CCDC88C: variants seen among roughly 807,000 people sequenced by gnomAD.
CCDC88C encodes the protein protein Daple.
A neutral mutation model predicts 198.8 loss-of-function variants in CCDC88C; 131 were observed. The ratio of observed to expected loss-of-function variants is 0.66; its 90% CI spans 0.57 to 0.76. CCDC88C has a LOEUF of 0.76. Among genes scored for constraint, CCDC88C ranks in the 30% least tolerant of loss-of-function variants. The probability of loss-of-function intolerance (pLI) is 0.00; values close to 1 mark genes in which losing one functional copy is unlikely to be tolerated. For missense variants in CCDC88C, 2,553 were observed against 2,631.6 expected (o/e 0.97, Z 0.65); for synonymous variants, 1,166 against 1,114.7 (o/e 1.05, Z -0.92).
rs1884669433 is a variant in CCDC88C, at chr14:91,379,781, G to A, written c.271-20070C>T. On this transcript the variant is annotated intron_variant, in intron 3 of 29. Coordinates refer to ENST00000389857, the MANE Select transcript of CCDC88C (RefSeq NM_001080414.4). ...CCGTGCCCGGGCCTCCTGCGGGGGT[G>A]TCTTGTTCACTGTCCACTTCCACTG... 14 of 701,748 alleles carry A rather than the reference G, an allele frequency of 2.0e-5. No individual in the cohort carries two copies. The South Asian group carries it at 2.1e-4, about 10-fold the overall frequency. The allele number at this position is 701,748 out of a possible 1,614,324, so 43.5% of individuals were successfully genotyped here.
At chr14:91,337,632 C>T (rs1472794886) in intron 10 of CCDC88C, among the ~76,000 whole-genome samples, 1 of 152,260 alleles carries the variant, frequency 6.6e-6, no homozygotes, top group Non-Finnish European at 1.5e-5. Context: ...TGAGCCGCTG[C>T]ACCCGGTTGC....
chr14:91,279,464 T>G (rs2139721784), intron 27 of CCDC88C, 158 bp from the exon 28 acceptor site: 1 of 593,652 alleles, frequency 1.7e-6, no homozygotes, highest in East Asian at 2.8e-5. Flanking sequence ...TGCGCTCCAG[T>G]GAGGAAGCCT....
In CCDC88C at chr14:91,331,968, C is replaced by G. The variant is rs192469384; in HGVS notation, c.1051-5912G>C. 1.9e-3 allele frequency among the ~76,000 whole-genome samples: 280 copies of G among 151,302 alleles called. 1 individual carries two copies. Among genetic ancestry groups the G allele is most frequent in the Middle Eastern group, 0.01 (3 of 294 alleles). ...AGGTCTCTGCCCCTGGGTGTAGACT[C>G]TGCCCAGCTAGGTCTCTGCCCCTGG... On this transcript the variant is annotated intron_variant, in intron 10 of 29. Coordinates refer to ENST00000389857, the MANE Select transcript of CCDC88C (RefSeq NM_001080414.4).
Position 91,323,075 on chromosome 14 carries a change from T to C in CCDC88C, c.1342+1704A>G, listed in dbSNP as rs144319460. Among the ~76,000 whole-genome samples, 1,303 of 152,196 alleles carry C rather than the reference T, an allele frequency of 8.6e-3. 23 individuals carry two copies. The highest frequency in any genetic ancestry group is 0.029 in the African/African-American group (1,184 of 41,508). On this transcript the variant is annotated intron_variant, in intron 12 of 29. Transcript: ENST00000389857. ...TGTGCACCACCACGCCTGACTAATT[T>C]TTGTACTTTTAGTAGAGGCGGGGTT...
chr14:91,307,743 C>T (rs374198261), intron 17 of CCDC88C, among the ~76,000 whole-genome samples: 4 of 152,068 alleles, frequency 2.6e-5, no homozygotes, highest in Admixed American at 6.5e-5. Context: ...GAGCACGTGT[C>T]GGGTGTGTAC....
Position 91,310,001 on chromosome 14 carries a change from A to T in CCDC88C, c.2737-15T>A. The stretch of plus-strand genomic sequence containing the variant: ...AGCACCAGGTCCTGGAATGATGGGG[A>T]GAGAGCACTGGATAGGAGCTCAGCA... On this transcript the variant is annotated splice_polypyrimidine_tract_variant and intron_variant, in intron 15 of 29. Coordinates refer to ENST00000389857, the MANE Select transcript of CCDC88C (RefSeq NM_001080414.4). 6.3e-7 allele frequency: 1 copy of T among 1,581,282 alleles called. No individual in the cohort carries two copies. The highest frequency in any genetic ancestry group is 8.6e-7 in the Non-Finnish European group (1 of 1,163,060).
In CCDC88C at chr14:91,352,890, C is replaced by T. The variant is rs1893879703; in HGVS notation, c.340+6752G>A. Among the ~76,000 whole-genome samples, 1 of 152,160 alleles carries T rather than the reference C, an allele frequency of 6.6e-6. No individual in the cohort carries two copies. Among genetic ancestry groups the T allele is most frequent in the Non-Finnish European group, 1.5e-5 (1 of 68,032 alleles). On this transcript the variant is annotated intron_variant, in intron 4 of 29. Transcript: ENST00000389857. This position sits in a 1 kb window ranked among gnomAD's most constrained non-coding sequence, Gnocchi z 4.2. ...CCATCTCTGCAGCAGGAGGACTGTTCCTCACAAGCCGGACTCTGAGCCTGT... is the reference window on the plus strand; with the variant it reads ...CCATCTCTGCAGCAGGAGGACTGTTTCTCACAAGCCGGACTCTGAGCCTGT...
At chr14:91,391,845 T>C (rs781249851) in intron 3 of CCDC88C, among the ~76,000 whole-genome samples, 2 of 152,026 alleles carry the variant, frequency 1.3e-5, no homozygotes, top group Non-Finnish European at 2.9e-5. Context: ...GAGTGTACTA[T>C]ATTCCTTTTT....
At chr14:91,356,073 T>C (rs903725913) in intron 4 of CCDC88C, among the ~76,000 whole-genome samples, 3 of 152,138 alleles carry the variant, frequency 2.0e-5, no homozygotes, top group African/African-American at 7.2e-5. Context: ...CGGGCAACCA[T>C]ACAAATTAAA....
intron 2 of CCDC88C, among the ~76,000 whole-genome samples, chr14:91,410,869 A>T (rs578163982): frequency 9.2e-5 from 14 of 152,306 alleles, no homozygotes; most frequent in African/African-American, 3.1e-4. Context: ...GGACCACCCC[A>T]GGAGTGGCCA....
chr14:91,315,575 G>T lies in CCDC88C; in HGVS notation c.1665+75C>A, dbSNP rs145421429. 7.3e-4 allele frequency: 1,121 copies of T among 1,528,780 alleles called. 8 individuals are homozygous for T. The African/African-American group carries it at 0.013, about 18-fold the overall frequency. 94.7% of individuals were successfully genotyped at this position (1,528,780 alleles called of 1,614,324 possible). ...TCCATGCATCCACAATACAGTACCA[G>T]GAATGGCTGTAATCCCGGCTCTCCG... On this transcript the variant is annotated intron_variant, in intron 14 of 29. Transcript: ENST00000389857.
Position 91,339,114 on chromosome 14 carries a change from G to A in CCDC88C, c.809+164C>T. 1 of 792,910 alleles carries A rather than the reference G, an allele frequency of 1.3e-6. No individual in the cohort carries two copies. Among genetic ancestry groups the A allele is most frequent in the Non-Finnish European group, 2.1e-6 (1 of 469,946 alleles). The allele number at this position is 792,910 out of a possible 1,614,324, so 49.1% of individuals were successfully genotyped here. A position where few individuals can be genotyped will look rare whatever the true frequency, so the allele number is the denominator to read the frequency against. On this transcript the variant is annotated intron_variant, in intron 8 of 29. Coordinates refer to ENST00000389857, the MANE Select transcript of CCDC88C (RefSeq NM_001080414.4). The surrounding 1 kb of genome is among the most constrained non-coding windows in gnomAD (Gnocchi z 5.8). ...TCCCTGTGCAGGCCTCAGAAGGGGA[G>A]GCAGCTAGTCCGAGGTCAAAGAGTA...
rs1351476137 is a variant in CCDC88C, at chr14:91,306,014, A to G, written c.3196-88T>C. 3 of 1,411,180 alleles carry G rather than the reference A, an allele frequency of 2.1e-6. No individual in the cohort carries two copies. In the African/African-American group the frequency reaches 4.2e-5, roughly 20 times the overall value. 87.4% of individuals were successfully genotyped at this position (1,411,180 alleles called of 1,614,324 possible). A position where few individuals can be genotyped will look rare whatever the true frequency, so the allele number is the denominator to read the frequency against. ...GTACTTGGGTTGTAACGAACCCTCA[A>G]AAGTTGATGTTTTGGGGGCCAAATC... On this transcript the variant is annotated intron_variant, in intron 18 of 29. Transcript: ENST00000389857.
At chr14:91,383,244 C>T (rs949415360) in intron 3 of CCDC88C, among the ~76,000 whole-genome samples, 6 of 152,262 alleles carry the variant, frequency 3.9e-5, no homozygotes, top group African/African-American at 1.4e-4. Flanking sequence ...GCCTGGAGTG[C>T]CCAGGGCAAT....
At chr14:91,283,200 G>T in intron 26 of CCDC88C, 129 bp downstream of exon 26, 1 of 942,344 alleles carries the variant, frequency 1.1e-6, no homozygotes. Context: ...CCTGTCAGCA[G>T]CCTCACCCCT....
At chr14:91,375,227 C>T (rs895365457) in intron 3 of CCDC88C, among the ~76,000 whole-genome samples, 1 of 152,142 alleles carries the variant, frequency 6.6e-6, no homozygotes, top group African/African-American at 2.4e-5. Flanking sequence ...TAATGAAGGG[C>T]CACAGGCCCC....
intron 3 of CCDC88C, among the ~76,000 whole-genome samples, chr14:91,387,788 T>C (rs945585416): frequency 1.3e-5 from 2 of 152,200 alleles, no homozygotes; most frequent in African/African-American, 4.8e-5. Flanking sequence ...GCCGAGATGC[T>C]GATGGCATGG....
Position 91,303,926 on chromosome 14 carries a change from G to T in CCDC88C, c.3410C>A (p.Thr1137Lys). ...GGCCGTGTGGTGGTTCTGCAGCAGC[G>T]TGTACTGCGCGGTGAGCGCTGCGCT... ...SQSAALTAQY[T>K]LLQNHHTAKE... is the part of the protein sequence containing the mutation. Residue 1137 changes from threonine (T) to lysine (K), a missense_variant, in exon 20 of 30, where the codon ACG (threonine) becomes AAG (lysine). By Grantham distance (78) the Thr-to-Lys change is moderately conservative (BLOSUM62 -1). This residue lies in a region of CCDC88C where 1,293 missense variants were observed against 1,219.6 expected (regional missense o/e 1.06). Coordinates refer to ENST00000389857, the MANE Select transcript of CCDC88C (RefSeq NM_001080414.4). 1 of 1,611,502 alleles carries T rather than the reference G, an allele frequency of 6.2e-7. No homozygotes were observed. Among genetic ancestry groups the T allele is most frequent in the Non-Finnish European group, 8.5e-7 (1 of 1,179,872 alleles).
chr14:91,342,505 G>T, intron 5 of CCDC88C, 42 bp from the exon 6 acceptor site: 1 of 1,320,928 alleles, frequency 7.6e-7, no homozygotes, highest in Non-Finnish European at 1.1e-6. Flanking sequence ...CTGTTCAAGT[G>T]AGGGTGAAGC....
Sources: gnomAD v4.1 joint callset for allele counts (sites outside exome capture counted in the v4.1 genomes callset) on GRCh38, gnomAD v4.1.1 for gene constraint, gnomAD v4.1.1 regional missense constraint, Gnocchi (gnomAD v3.1) non-coding constraint, MANE v1.5 for transcripts, NCBI Gene and HGNC (gene_info 2026-07-23, HGNC 2026-07-21) for gene names.